The following PKIA variants were observed in gnomAD, a reference collection of about 807,000 sequenced individuals.
PKIA encodes cAMP-dependent protein kinase inhibitor alpha, also known as PKI-alpha.
PKIA carries 4 observed loss-of-function variants against 7.6 expected under a neutral mutation model. The ratio of observed to expected loss-of-function variants is 0.52; its 90% CI spans 0.26 to 1.20. PKIA has a LOEUF of 1.20. Ranked by LOEUF, PKIA falls within the 50% of genes most tolerant of loss-of-function variation. The pLI is 0.13. For missense variants in PKIA, 73 were observed against 86.2 expected (o/e 0.85, Z 0.61); for synonymous variants, 21 against 30.7 (o/e 0.68, Z 1.04).
chr8:78,530,996 G>A (rs1806374385), intron 1 of PKIA, among the ~76,000 whole-genome samples: 1 of 152,000 alleles, frequency 6.6e-6, no homozygotes, highest in African/African-American at 2.4e-5. Context: ...TTTTAAAATA[G>A]CCTGACACCT....
At chr8:78,549,672 T>C (rs1490961595) in intron 1 of PKIA, among the ~76,000 whole-genome samples, 1 of 150,630 alleles carries the variant, frequency 6.6e-6, no homozygotes, top group Non-Finnish European at 1.5e-5. Flanking sequence ...ATGGGCATGA[T>C]TAACTGGTCT....
intron 2 of PKIA, among the ~76,000 whole-genome samples, chr8:78,574,311 A>G (rs1807625395): frequency 2.0e-5 from 3 of 152,134 alleles, no homozygotes; most frequent in East Asian, 1.9e-4. Context: ...AATATACAAT[A>G]CATTGCTTTT....
chr8:78,556,773 G>A (rs1807150127), intron 1 of PKIA, among the ~76,000 whole-genome samples: 1 of 152,086 alleles, frequency 6.6e-6, no homozygotes, highest in Non-Finnish European at 1.5e-5. Flanking sequence ...ACTATAGTAG[G>A]TTTCACATAT....
chr8:78,579,562 G>T (rs1807758107), intron 2 of PKIA, among the ~76,000 whole-genome samples: 1 of 152,192 alleles, frequency 6.6e-6, no homozygotes, highest in East Asian at 1.9e-4. Context: ...GAAGATAGTT[G>T]CATTTTCATT....
At chr8:78,528,976 G>A (rs1195111961) in intron 1 of PKIA, among the ~76,000 whole-genome samples, 1 of 151,982 alleles carries the variant, frequency 6.6e-6, no homozygotes, top group Non-Finnish European at 1.5e-5. Context: ...TGTTGAAATT[G>A]CTAAAACTTT....
In PKIA at chr8:78,582,173, G is replaced by GTT. The variant is rs112095411; in HGVS notation, c.-28+9248_-28+9249dup. Among the ~76,000 whole-genome samples the GTT allele has an allele frequency of 9.6e-3, 1,250 of 129,674 alleles. 16 individuals carry two copies. The highest frequency in any genetic ancestry group is 0.03 in the African/African-American group (1,076 of 35,468). 85.1% of individuals were successfully genotyped at this position (129,674 alleles called of 152,430 possible). The stretch of plus-strand genomic sequence containing the variant: ...CCATGTAATCCCAGCAATATTTCGT[G>GTT]TTTTTTTTTTTTTTTGAGGCTTTGG... On this transcript the variant is annotated intron_variant, in intron 2 of 3. Coordinates refer to ENST00000396418, the MANE Select transcript of PKIA (RefSeq NM_006823.4).
chr8:78,561,823 A>G (rs775894342), intron 1 of PKIA, among the ~76,000 whole-genome samples: 34 of 152,326 alleles, frequency 2.2e-4, no homozygotes, highest in South Asian at 4.1e-4. Context: ...TTCATGTAAC[A>G]TGGGATAATG....
At chr8:78,556,073 A>T (rs139619152) in intron 1 of PKIA, among the ~76,000 whole-genome samples, 1 of 152,122 alleles carries the variant, frequency 6.6e-6, no homozygotes, top group Non-Finnish European at 1.5e-5. Flanking sequence ...TTTTATGTTT[A>T]GCAGTTATGT....
intron 1 of PKIA, among the ~76,000 whole-genome samples, chr8:78,540,219 C>G (rs1356000478): frequency 6.6e-6 from 1 of 151,860 alleles, no homozygotes; most frequent in South Asian, 2.1e-4. Context: ...ATATAGGTCT[C>G]GAGGGTGCCA....
intron 1 of PKIA, among the ~76,000 whole-genome samples, chr8:78,569,339 T>G (rs1585907500): frequency 6.6e-6 from 1 of 152,180 alleles, no homozygotes; most frequent in Non-Finnish European, 1.5e-5. Context: ...ATGGTATGAG[T>G]GGTCCCATTC....
intron 1 of PKIA, among the ~76,000 whole-genome samples, chr8:78,566,516 A>T (rs1225944838): frequency 6.6e-6 from 1 of 152,084 alleles, no homozygotes; most frequent in Admixed American, 6.6e-5. Flanking sequence ...CTGTAAAAGT[A>T]ATACAAATGC....
chr8:78,529,015 G>A (rs1806327136), intron 1 of PKIA, among the ~76,000 whole-genome samples: 1 of 151,958 alleles, frequency 6.6e-6, no homozygotes, highest in African/African-American at 2.4e-5. Context: ...AAGGTTACTG[G>A]AGTTACTGTT....
chr8:78,561,596 C>T (rs993250239), intron 1 of PKIA, among the ~76,000 whole-genome samples: 4 of 152,042 alleles, frequency 2.6e-5, no homozygotes, highest in Admixed American at 6.6e-5. Context: ...GTCAGTTGTA[C>T]CCACGTATGT....
intron 2 of PKIA, among the ~76,000 whole-genome samples, chr8:78,573,309 G>T (rs1330441175): frequency 1.3e-5 from 2 of 151,886 alleles, no homozygotes; most frequent in East Asian, 1.9e-4. Context: ...AAAATTATGG[G>T]TCATGATGGC....
rs556054034 is a variant in PKIA at position 78,547,636 on chromosome 8, T to C, written c.-156-25175T>C. 2.6e-4 allele frequency among the ~76,000 whole-genome samples: 40 copies of C among 152,298 alleles called. 2 individuals carry two copies. The South Asian group carries it at 8.3e-3, about 32-fold the overall frequency. On this transcript the variant is annotated intron_variant, in intron 1 of 3. Coordinates refer to ENST00000396418, the MANE Select transcript of PKIA (RefSeq NM_006823.4). ...GCTTTCTAAATTTAAAGACATAAGA[T>C]GAGTAGTTAATGACTTTGAAATTTA...
intron 1 of PKIA, among the ~76,000 whole-genome samples, chr8:78,546,502 C>T (rs1806828300): frequency 1.3e-5 from 2 of 152,222 alleles, no homozygotes; most frequent in South Asian, 2.1e-4. Flanking sequence ...CACATACAAA[C>T]TTTTGACTCT....
intron 2 of PKIA, among the ~76,000 whole-genome samples, chr8:78,595,968 T>G (rs1051992784): frequency 6.6e-6 from 1 of 152,226 alleles, no homozygotes; most frequent in African/African-American, 2.4e-5. Context: ...GCGGCTGAAC[T>G]AGTTTATATT....
chr8:78,559,809 T>G (rs1202509587), intron 1 of PKIA, among the ~76,000 whole-genome samples: 1 of 152,206 alleles, frequency 6.6e-6, no homozygotes, highest in African/African-American at 2.4e-5. Flanking sequence ...AAATCTGAAT[T>G]CATCTGATTA....
chr8:78,577,382 A>G (rs967037331), intron 2 of PKIA, among the ~76,000 whole-genome samples: 1 of 151,870 alleles, frequency 6.6e-6, no homozygotes, highest in Non-Finnish European at 1.5e-5. Context: ...AGAAAAGATA[A>G]CTGTTGGATA....
Sources: gnomAD v4.1 joint callset for allele counts (sites outside exome capture counted in the v4.1 genomes callset) on GRCh38, gnomAD v4.1.1 for gene constraint, MANE v1.5 for transcripts, NCBI Gene and HGNC (gene_info 2026-07-23, HGNC 2026-07-21) for gene names.